CRACDL: variants seen among roughly 807,000 people sequenced by gnomAD.
The protein encoded by CRACDL is CRACD like.
CRACDL carries 26 observed loss-of-function variants against 70.6 expected under a neutral mutation model. The observed-to-expected ratio is 0.37, with a 90% CI of 0.27 to 0.51. The LOEUF is 0.51. Among genes scored for constraint, CRACDL ranks in the 20% least tolerant of loss-of-function variants. The probability of loss-of-function intolerance (pLI) is 0.94; values close to 1 mark genes in which losing one functional copy is unlikely to be tolerated. For synonymous variants in CRACDL, 618 were observed against 615.2 expected (o/e 1.00, Z -0.07); for missense variants, 1,283 against 1,376.9 (o/e 0.93, Z 1.08).
chr2:98,857,892 C>A (rs1558605368), intron 1 of CRACDL, among the ~76,000 whole-genome samples: 1 of 152,090 alleles, frequency 6.6e-6, no homozygotes, highest in Non-Finnish European at 1.5e-5. Flanking sequence ...CCCTATGGAA[C>A]ATTAACAATG....
chr2:98,826,199 C>T (rs1705294343), intron 6 of CRACDL, among the ~76,000 whole-genome samples: 1 of 152,214 alleles, frequency 6.6e-6, no homozygotes, highest in South Asian at 2.1e-4. Flanking sequence ...GGTAACGACA[C>T]CCTGAGGCAG....
At chr2:98,885,592 G>T (rs1380748058) in intron 1 of CRACDL, among the ~76,000 whole-genome samples, 1 of 152,142 alleles carries the variant, frequency 6.6e-6, no homozygotes, top group Non-Finnish European at 1.5e-5. Flanking sequence ...TGCACAAGGG[G>T]ATAATAGAAA....
chr2:98,846,383 C>T lies in CRACDL; in HGVS notation c.70+348G>A, dbSNP rs147442005. Reference sequence around the variant, plus strand: ...ATCAGGTACTTTGCTCAGCTTCCTACTGATGCCTTTGGATATTCTTAGATG... The same window carrying T: ...ATCAGGTACTTTGCTCAGCTTCCTATTGATGCCTTTGGATATTCTTAGATG... On this transcript the variant is annotated intron_variant, in intron 2 of 9. Transcript: ENST00000397899. Among the ~76,000 whole-genome samples, 8 of 152,278 alleles carry T rather than the reference C, an allele frequency of 5.3e-5. No homozygotes were observed. The East Asian group carries it at 1.5e-3, about 29-fold the overall frequency.
At chr2:98,855,782 A>C (rs1306513114) in intron 1 of CRACDL, among the ~76,000 whole-genome samples, 2 of 152,248 alleles carry the variant, frequency 1.3e-5, no homozygotes, top group African/African-American at 4.8e-5. Flanking sequence ...GATTATTAAA[A>C]GAGGTAGAAA....
chr2:98,931,070 A>G (rs916984761), intron 1 of CRACDL, among the ~76,000 whole-genome samples: 1 of 152,108 alleles, frequency 6.6e-6, no homozygotes, highest in African/African-American at 2.4e-5. Flanking sequence ...TACGCCTGTA[A>G]TCCCAGCACT....
intron 7 of CRACDL, among the ~76,000 whole-genome samples, chr2:98,812,526 T>C (rs1015786075): frequency 2.6e-5 from 4 of 152,206 alleles, no homozygotes; most frequent in Admixed American, 2.0e-4. Context: ...AATGGTATTA[T>C]TAATATTTTT....
In CRACDL at chr2:98,936,102, G is replaced by T. The variant is rs1343979878; in HGVS notation, c.-175C>A. The T allele has an allele frequency of 1.3e-5, 2 of 151,766 alleles. No homozygotes were observed. Among genetic ancestry groups the T allele is most frequent in the Admixed American group, 6.6e-5 (1 of 15,250 alleles). 9.4% of individuals were successfully genotyped at this position (151,766 alleles called of 1,614,324 possible). A position where few individuals can be genotyped will look rare whatever the true frequency, so the allele number is the denominator to read the frequency against. ...CGCGGCCTCCAGACAGCCCGGGTCT[G>T]CGGCCGAAGAGCTGGACGCGGGCGC... On this transcript the variant is annotated 5_prime_UTR_variant, in exon 1 of 10. Coordinates refer to ENST00000397899, the MANE Select transcript of CRACDL (RefSeq NM_207362.3).
chr2:98,925,253 AG>A (rs1487880227), intron 1 of CRACDL, among the ~76,000 whole-genome samples: 1 of 152,190 alleles, frequency 6.6e-6, no homozygotes, highest in African/African-American at 2.4e-5. Context: ...GCTCAGCCCC[AG>A]GCCCTGTGCA....
intron 2 of CRACDL, among the ~76,000 whole-genome samples, chr2:98,841,976 T>C (rs1706049865): frequency 6.6e-6 from 1 of 152,150 alleles, no homozygotes; most frequent in African/African-American, 2.4e-5. Flanking sequence ...CTCAGACTCA[T>C]TTTAAGATTT....
intron 1 of CRACDL, among the ~76,000 whole-genome samples, chr2:98,867,848 C>T (rs2104589759): frequency 6.6e-6 from 1 of 152,322 alleles, no homozygotes; most frequent in Admixed American, 6.5e-5. Flanking sequence ...AGGTAATATA[C>T]TCCATTTTTC....
chr2:98,918,903 T>C (rs935806637), intron 1 of CRACDL, among the ~76,000 whole-genome samples: 3 of 152,238 alleles, frequency 2.0e-5, no homozygotes, highest in African/African-American at 4.8e-5. Context: ...TCTCTGTTGA[T>C]TGCTTCTTTT....
intron 7 of CRACDL, among the ~76,000 whole-genome samples, chr2:98,810,052 C>T (rs1704490200): frequency 6.6e-6 from 1 of 152,196 alleles, no homozygotes; most frequent in African/African-American, 2.4e-5. Flanking sequence ...CTCCCTCATC[C>T]CAGCACCTGG....
intron 1 of CRACDL, among the ~76,000 whole-genome samples, chr2:98,867,704 T>C (rs1445001444): frequency 6.6e-6 from 1 of 152,216 alleles, no homozygotes; most frequent in Non-Finnish European, 1.5e-5. Context: ...GCCATCTAAC[T>C]TGGCAACGTT....
intron 1 of CRACDL, among the ~76,000 whole-genome samples, chr2:98,904,856 G>C (rs990727987): frequency 1.3e-5 from 2 of 152,294 alleles, no homozygotes; most frequent in South Asian, 4.1e-4. Context: ...TTGGAGATGG[G>C]GCCTGGTGGG....
At chr2:98,813,393 T>C (rs1049044402) in intron 7 of CRACDL, among the ~76,000 whole-genome samples, 1 of 152,124 alleles carries the variant, frequency 6.6e-6, no homozygotes, top group African/African-American at 2.4e-5. Flanking sequence ...GATTGAGCCA[T>C]TGCACTCCAG....
intron 1 of CRACDL, among the ~76,000 whole-genome samples, chr2:98,917,167 T>C (rs944123920): frequency 6.6e-6 from 1 of 152,188 alleles, no homozygotes; most frequent in African/African-American, 2.4e-5. Context: ...TAAGCATCCT[T>C]TAGAAATGTT....
At chr2:98,901,019 G>A (rs1482835518) in intron 1 of CRACDL, among the ~76,000 whole-genome samples, 1 of 152,174 alleles carries the variant, frequency 6.6e-6, no homozygotes, top group East Asian at 1.9e-4. Context: ...AGGACAGAAA[G>A]CGATTCTGCA....
At chr2:98,932,901 G>T (rs1709114819) in intron 1 of CRACDL, among the ~76,000 whole-genome samples, 2 of 152,198 alleles carry the variant, frequency 1.3e-5, no homozygotes. Flanking sequence ...AATGCCTTCT[G>T]GGTCTGGGAC....
At chr2:98,799,150 G>A (rs1387930100) in intron 7 of CRACDL, among the ~76,000 whole-genome samples, 6 of 152,114 alleles carry the variant, frequency 3.9e-5, no homozygotes, top group African/African-American at 9.7e-5. Flanking sequence ...TGAGTCAGCC[G>A]GGTGACAACA....
Sources: gnomAD v4.1 joint callset for allele counts (sites outside exome capture counted in the v4.1 genomes callset) on GRCh38, gnomAD v4.1.1 for gene constraint, MANE v1.5 for transcripts, NCBI Gene and HGNC (gene_info 2026-07-23, HGNC 2026-07-21) for gene names.